Variants in TARDBP observed in about 807,000 individuals in gnomAD.
TARDBP encodes TAR DNA-binding protein 43.
TARDBP carries 4 observed loss-of-function variants against 38.3 expected under a neutral mutation model. The ratio of observed to expected loss-of-function variants is 0.10; its 90% CI spans 0.05 to 0.24. TARDBP has a LOEUF of 0.24. TARDBP is among the 10% of genes least tolerant of loss of function. TARDBP has a pLI of 1.00. For synonymous variants in TARDBP, 184 were observed against 183.8 expected (o/e 1.00, Z -0.01); for missense variants, 202 against 521.9 (o/e 0.39, Z 5.97).
intron 4 of TARDBP, among the ~76,000 whole-genome samples, chr1:11,019,572 T>C (rs1383449274): frequency 2.0e-5 from 3 of 146,768 alleles, no homozygotes; most frequent in Admixed American, 6.8e-5. Context: ...GCACAACGAC[T>C]TTTTTTTTTT....
chr1:11,022,774 T>G lies in TARDBP; in HGVS notation c.*120T>G, dbSNP rs1643666734. 2 of 1,469,754 alleles carry G rather than the reference T, an allele frequency of 1.4e-6. No homozygotes were observed. The highest frequency in any genetic ancestry group is 1.8e-6 in the Non-Finnish European group (2 of 1,111,732). The allele number at this position is 1,469,754 out of a possible 1,614,324, so 91.0% of individuals were successfully genotyped here. A position where few individuals can be genotyped will look rare whatever the true frequency, so the allele number is the denominator to read the frequency against. ...ATTTTCAAAATTGGTTTGTTCAGTG[T>G]GGAGTATATTCAGCAGTATTTTTGA... On this transcript the variant is annotated 3_prime_UTR_variant, in exon 6 of 6. Transcript: ENST00000240185. This position sits in a 1 kb window ranked among gnomAD's most constrained non-coding sequence, Gnocchi z 4.5.
downstream of TARDBP, chr1:11,027,516 CA>C (rs1289505941): frequency 6.2e-7 from 1 of 1,614,112 alleles, no homozygotes; most frequent in East Asian, 2.2e-5. Flanking sequence ...TGTTAGGACC[CA>C]GTTGTCATAT....
At chr1:11,028,424 T>TA (rs542683514), downstream of TARDBP, among the ~76,000 whole-genome samples, 14 of 152,326 alleles carry the variant, frequency 9.2e-5, no homozygotes, top group African/African-American at 2.9e-4. Flanking sequence ...CCTTTGAACA[T>TA]ACAAATGTTT....
At chr1:11,019,958 G>C (rs1479698548) in intron 4 of TARDBP, among the ~76,000 whole-genome samples, 1 of 151,122 alleles carries the variant, frequency 6.6e-6, no homozygotes, top group Non-Finnish European at 1.5e-5. Flanking sequence ...TCCTCTTCCG[G>C]GTTCAAGTGA....
intron 3 of TARDBP, 100 bp from the exon 4 acceptor site, chr1:11,018,633 C>A: frequency 6.4e-7 from 1 of 1,550,462 alleles, no homozygotes; most frequent in Non-Finnish European, 8.9e-7. Flanking sequence ...CCACTGCATC[C>A]AGTTGAAACC....
chr1:11,018,185 CTTT>C (rs1224507638), intron 3 of TARDBP, among the ~76,000 whole-genome samples: 3 of 151,898 alleles, frequency 2.0e-5, no homozygotes, highest in African/African-American at 7.2e-5. Flanking sequence ...CCTGGCCTCT[CTTT>C]TTTTCTTTTC....
At position 11,023,257 on chromosome 1, in the gene TARDBP, C is replaced by T; in HGVS notation, c.*603C>T. ...TGAAAGTAGTGCTGTAAATATTCTG[C>T]CATAGGAATACTGTCTACATGCTTT... On this transcript the variant is annotated 3_prime_UTR_variant, in exon 6 of 6. Transcript: ENST00000240185. The T allele has an allele frequency of 6.5e-7, 1 of 1,550,184 alleles. No individual in the cohort carries two copies. The highest frequency in any genetic ancestry group is 1.2e-5 in the South Asian group (1 of 84,038).
downstream of TARDBP, chr1:11,027,719 G>A (rs1023767095): frequency 9.5e-6 from 14 of 1,481,092 alleles, no homozygotes; most frequent in South Asian, 2.7e-5. Context: ...AATTATGACC[G>A]CCTTGAAGTA....
downstream of TARDBP, chr1:11,029,967 A>G: frequency 2.1e-6 from 1 of 469,444 alleles, no homozygotes; most frequent in Non-Finnish European, 3.8e-6. Flanking sequence ...AAGGTCAAAG[A>G]GAATCAAATG....
At chr1:11,016,769 C>A in intron 2 of TARDBP, 75 bp from the exon 3 acceptor site, 1 of 1,469,974 alleles carries the variant, frequency 6.8e-7, no homozygotes, top group Non-Finnish European at 9.4e-7. Flanking sequence ...CTTCTCATTT[C>A]TAGATGTAGG....
At chr1:11,027,274 C>T, downstream of TARDBP, 2 of 1,613,936 alleles carry the variant, frequency 1.2e-6, no homozygotes, top group Non-Finnish European at 1.7e-6. Context: ...AAGGATTCAG[C>T]TTCTTTTCTT....
chr1:11,023,367 T>C lies in TARDBP; in HGVS notation c.*713T>C, dbSNP rs1417010901. On this transcript the variant is annotated 3_prime_UTR_variant, in exon 6 of 6. Transcript: ENST00000240185. ...TTTTTATCCGCTACTCTTTATTTCA[T>C]GGAGTCGTATCAACGCTATGAACGC... is the stretch of plus-strand genomic sequence containing the variant. The C allele has an allele frequency of 2.7e-6, 3 of 1,114,042 alleles. No homozygotes were observed. Among genetic ancestry groups the C allele is most frequent in the Admixed American group, 2.1e-5 (1 of 46,800 alleles). 69.0% of individuals were successfully genotyped at this position (1,114,042 alleles called of 1,614,324 possible).
chr1:11,016,695 C>G (rs573095462), intron 2 of TARDBP, 149 bp from the exon 3 acceptor site: 14 of 765,780 alleles, frequency 1.8e-5, no homozygotes, highest in Admixed American at 2.6e-5. Flanking sequence ...ATTCTGTCCT[C>G]TAGAGCAAAC....
downstream of TARDBP, among the ~76,000 whole-genome samples, chr1:11,027,854 C>G (rs1249583515): frequency 6.6e-6 from 1 of 152,174 alleles, no homozygotes; most frequent in Non-Finnish European, 1.5e-5. Flanking sequence ...TATTTCTTAG[C>G]TCCTCAGAAA....
downstream of TARDBP, chr1:11,026,982 C>G (rs377283331): frequency 8.8e-6 from 14 of 1,587,766 alleles, no homozygotes; most frequent in African/African-American, 1.1e-4. Flanking sequence ...CATGGAACCC[C>G]AGGACACTAT....
Position 11,022,841 on chromosome 1 carries a change from A to C in TARDBP, c.*187A>C. Reference sequence around the variant, plus strand: ...AAGGAAGAGCTAAAGGAATTTTATAAGTTTTGTTACATGAAAGGTTGAAAT... The same window carrying C: ...AAGGAAGAGCTAAAGGAATTTTATACGTTTTGTTACATGAAAGGTTGAAAT... On this transcript the variant is annotated 3_prime_UTR_variant, in exon 6 of 6. Transcript: ENST00000240185. This position sits in a 1 kb window ranked among gnomAD's most constrained non-coding sequence, Gnocchi z 4.5. 7.3e-7 allele frequency: 1 copy of C among 1,372,620 alleles called. No homozygotes were observed. The highest frequency in any genetic ancestry group is 9.4e-7 in the Non-Finnish European group (1 of 1,062,984). 85.0% of individuals were successfully genotyped at this position (1,372,620 alleles called of 1,614,324 possible).
At chr1:11,026,909 G>A (rs763592564), downstream of TARDBP, 7 of 1,483,744 alleles carry the variant, frequency 4.7e-6, no homozygotes, top group East Asian at 2.4e-5. Context: ...TTATGTTCTC[G>A]ATCCAGGGAA....
intron 5 of TARDBP, 149 bp from the exon 6 acceptor site, chr1:11,021,975 T>A: frequency 1.2e-6 from 1 of 854,330 alleles, no homozygotes; most frequent in Non-Finnish European, 1.8e-6. Flanking sequence ...CTAAAAGCTG[T>A]ATTGGGGGTT....
At chr1:11,026,208 T>G (rs1369630219), downstream of TARDBP, 2 of 152,582 alleles carry the variant, frequency 1.3e-5, no homozygotes, top group Non-Finnish European at 2.9e-5. Flanking sequence ...GCTTTTGAAA[T>G]GTATTGCCAG....
Sources: gnomAD v4.1 joint callset for allele counts (sites outside exome capture counted in the v4.1 genomes callset) on GRCh38, gnomAD v4.1.1 for gene constraint, Gnocchi (gnomAD v3.1) non-coding constraint, MANE v1.5 for transcripts, NCBI Gene and HGNC (gene_info 2026-07-23, HGNC 2026-07-21) for gene names.